Variants in TRPM3 observed in about 807,000 individuals in gnomAD.
TRPM3 encodes long transient receptor potential channel 3.
In TRPM3, 77 loss-of-function variants were observed where a neutral mutation model predicts 181.2. That is an observed-to-expected ratio of 0.42 (90% CI 0.35 to 0.51). TRPM3 has a LOEUF of 0.51. Ranked by LOEUF, TRPM3 falls within the 20% of genes least tolerant of loss-of-function variation. The pLI, the probability that TRPM3 is intolerant of heterozygous loss-of-function variation, is 0.01. For synonymous variants in TRPM3, 745 were observed against 796.4 expected, an observed-to-expected ratio of 0.94 and a Z score of 1.09; for missense variants, 1,759 against 2,196.7, an observed-to-expected ratio of 0.80 and a Z score of 3.98.
intron 1 of TRPM3, among the ~76,000 whole-genome samples, chr9:71,442,640 A>G (rs2094150055): frequency 6.6e-6 from 1 of 152,274 alleles, no homozygotes; most frequent in South Asian, 2.1e-4. Context: ...AAAGGAGAGC[A>G]TATAATTTGG....
rs188658470 is a variant in TRPM3, at chr9:71,278,833, A to G, written c.183+167820T>C. On this transcript the variant is annotated intron_variant, in intron 1 of 24. Transcript: ENST00000357533. ...TCCATATGTAACACATATATTATAG[A>G]AATCTTACCTATCAAGAAAAAACGT... Among the ~76,000 whole-genome samples, 1,094 of 152,232 alleles carry G rather than the reference A, an allele frequency of 7.2e-3. 3 individuals carry two copies. The highest frequency in any genetic ancestry group is 0.017 in the South Asian group (80 of 4,824).
chr9:70,587,313 A>G (rs2057312774), intron 22 of TRPM3, among the ~76,000 whole-genome samples: 1 of 152,216 alleles, frequency 6.6e-6, no homozygotes, highest in Non-Finnish European at 1.5e-5. Context: ...CCCTTACTTA[A>G]TGCATTCAAG....
intron 22 of TRPM3, among the ~76,000 whole-genome samples, chr9:70,590,590 A>G (rs1480790861): frequency 6.6e-6 from 1 of 152,228 alleles, no homozygotes; most frequent in East Asian, 1.9e-4. Flanking sequence ...TTACTCTTGA[A>G]TTCTGATGGT....
intron 9 of TRPM3, among the ~76,000 whole-genome samples, chr9:70,660,047 T>C (rs1333251698): frequency 6.6e-6 from 1 of 152,136 alleles, no homozygotes; most frequent in Non-Finnish European, 1.5e-5. Context: ...TGAGCTTTCC[T>C]AACAACTTGG....
intron 1 of TRPM3, among the ~76,000 whole-genome samples, chr9:71,145,225 T>G (rs1393663656): frequency 6.6e-6 from 1 of 152,112 alleles, no homozygotes; most frequent in Non-Finnish European, 1.5e-5. Flanking sequence ...ATTAAAAAAA[T>G]ATACATGCTA....
chr9:71,422,435 T>C (rs1183061051), intron 1 of TRPM3, among the ~76,000 whole-genome samples: 1 of 152,086 alleles, frequency 6.6e-6, no homozygotes, highest in African/African-American at 2.4e-5. Context: ...GACCCCTCGA[T>C]CTTTATTCAT....
intron 22 of TRPM3, among the ~76,000 whole-genome samples, chr9:70,582,702 C>T (rs1038135176): frequency 5.3e-5 from 8 of 152,104 alleles, no homozygotes; most frequent in Admixed American, 1.3e-4. Context: ...CCATATGTGA[C>T]GAGCAGCTAT....
chr9:71,001,074 G>T (rs1215384764), intron 1 of TRPM3, among the ~76,000 whole-genome samples: 2 of 152,212 alleles, frequency 1.3e-5, no homozygotes, highest in African/African-American at 4.8e-5. Flanking sequence ...TCATACAGGA[G>T]AGATTGGTGT....
chr9:71,112,624 A>G (rs2071372962), intron 1 of TRPM3, among the ~76,000 whole-genome samples: 1 of 152,190 alleles, frequency 6.6e-6, no homozygotes, highest in Non-Finnish European at 1.5e-5. Context: ...GATATAATTC[A>G]TCTAACACCC....
At chr9:70,932,192 C>T (rs1415219) in intron 1 of TRPM3, among the ~76,000 whole-genome samples, 34,578 of 152,062 alleles carry the variant, frequency 0.23, 4,459 homozygotes, top group Admixed American at 0.33. Flanking sequence ...TCTACCCTTG[C>T]TTTATCATTA....
At chr9:70,851,121 A>T (rs906344282) in intron 3 of TRPM3, among the ~76,000 whole-genome samples, 1 of 152,008 alleles carries the variant, frequency 6.6e-6, no homozygotes, top group Admixed American at 6.6e-5. Context: ...GCGCCACTAC[A>T]CTCCAGCCTG....
At chr9:71,351,869 T>G (rs2091645824) in intron 1 of TRPM3, among the ~76,000 whole-genome samples, 1 of 107,110 alleles carries the variant, frequency 9.3e-6, no homozygotes, top group Non-Finnish European at 2.0e-5. Flanking sequence ...TTTGTTTGTT[T>G]GTTTTTGTTT....
At chr9:70,646,041 C>T (rs986467186) in intron 9 of TRPM3, among the ~76,000 whole-genome samples, 1 of 152,184 alleles carries the variant, frequency 6.6e-6, no homozygotes, top group Non-Finnish European at 1.5e-5. Flanking sequence ...CAACTCACGC[C>T]AGTTAGAATG....
chr9:71,313,830 C>A (rs1422273663), intron 1 of TRPM3, among the ~76,000 whole-genome samples: 1 of 152,016 alleles, frequency 6.6e-6, no homozygotes, highest in Non-Finnish European at 1.5e-5. Context: ...TATCATTTTT[C>A]TGGTTGTAAA....
chr9:71,167,577 A>G (rs969149570), intron 1 of TRPM3, among the ~76,000 whole-genome samples: 1 of 152,124 alleles, frequency 6.6e-6, no homozygotes, highest in Non-Finnish European at 1.5e-5. Context: ...AAATTCAACA[A>G]TCTTCCACTC....
chr9:71,128,300 C>A (rs555394858), intron 1 of TRPM3, among the ~76,000 whole-genome samples: 1 of 152,226 alleles, frequency 6.6e-6, no homozygotes, highest in East Asian at 1.9e-4. Flanking sequence ...TTCCACCTTA[C>A]CAAAAATAGA....
chr9:71,429,644 T>A (rs1281568651), intron 1 of TRPM3, among the ~76,000 whole-genome samples: 1 of 152,240 alleles, frequency 6.6e-6, no homozygotes, highest in Admixed American at 6.5e-5. Context: ...GTTCTGTTTG[T>A]GATTTCCTAC....
chr9:70,671,987 C>T (rs1172384293), intron 9 of TRPM3, among the ~76,000 whole-genome samples: 2 of 147,602 alleles, frequency 1.4e-5, no homozygotes, highest in African/African-American at 5.1e-5. Context: ...CCAGGCTGGT[C>T]TTGAACTCCT....
At chr9:71,382,687 TC>T (rs1024917198) in intron 1 of TRPM3, among the ~76,000 whole-genome samples, 2 of 109,074 alleles carry the variant, frequency 1.8e-5, no homozygotes, top group African/African-American at 6.0e-5. Flanking sequence ...ATCTGTATAG[TC>T]TTTTTTTTTT....
Sources: allele counts gnomAD v4.1 joint callset (sites outside exome capture counted in the v4.1 genomes callset), GRCh38; gene constraint gnomAD v4.1.1; transcripts MANE v1.5; gene names NCBI Gene and HGNC (gene_info 2026-07-23, HGNC 2026-07-21).